The following TNIK variants were observed in gnomAD, a reference collection of about 807,000 sequenced individuals.
TNIK encodes TRAF2 and NCK-interacting protein kinase.
Under a neutral mutation model 191.3 loss-of-function variants are expected in TNIK, and 49 were observed. The ratio of observed to expected loss-of-function variants is 0.26; its 90% CI spans 0.20 to 0.32. The LOEUF (loss-of-function observed/expected upper bound fraction) is 0.32. Among genes scored for constraint, TNIK ranks in the 10% least tolerant of loss-of-function variants. TNIK has a pLI of 1.00. For missense variants in TNIK, 1,155 were observed against 1,702.3 expected, an observed-to-expected ratio of 0.68 and a Z score of 5.66; for synonymous variants, 594 against 600.9, an observed-to-expected ratio of 0.99 and a Z score of 0.17.
intron 15 of TNIK, among the ~76,000 whole-genome samples, chr3:171,130,102 AT>A (rs1327923295): frequency 6.6e-6 from 1 of 152,152 alleles, no homozygotes; most frequent in Admixed American, 6.5e-5. Context: ...CTGTTTGCAT[AT>A]TTTTTATGTA....
At position 171,191,473 on chromosome 3, in the gene TNIK, G is replaced by A. The variant is rs535971210; in HGVS notation, c.418-686C>T. 3.0e-3 allele frequency among the ~76,000 whole-genome samples: 450 copies of A among 152,256 alleles called. 2 individuals carry two copies. The highest frequency in any genetic ancestry group is 0.01 in the African/African-American group (429 of 41,552). ...GGCTGGTCTTGAACTCCTGACCTCA[G>A]GTGATCCATTCACTTCGGCCTCCCA... is the stretch of plus-strand genomic sequence containing the variant. On this transcript the variant is annotated intron_variant, in intron 5 of 32. Coordinates refer to ENST00000436636, the MANE Select transcript of TNIK (RefSeq NM_015028.4).
At chr3:171,131,683 G>C (rs549487741) in intron 15 of TNIK, among the ~76,000 whole-genome samples, 1 of 152,184 alleles carries the variant, frequency 6.6e-6, no homozygotes, top group Admixed American at 6.5e-5. Context: ...ATCTCATTAC[G>C]TACTTTGTCT....
At chr3:171,452,544 T>C (rs1728289640) in intron 1 of TNIK, among the ~76,000 whole-genome samples, 1 of 152,018 alleles carries the variant, frequency 6.6e-6, no homozygotes, top group Non-Finnish European at 1.5e-5. Flanking sequence ...TGTGCCTCAT[T>C]AAACCTCACC....
At chr3:171,075,961 T>C (rs1719867743) in intron 28 of TNIK, among the ~76,000 whole-genome samples, 1 of 152,094 alleles carries the variant, frequency 6.6e-6, no homozygotes, top group Non-Finnish European at 1.5e-5. Context: ...TGGTCTCAAA[T>C]ACCTGACCTC....
chr3:171,157,818 C>T (rs1200475064), intron 11 of TNIK, among the ~76,000 whole-genome samples, 154 bp from the exon 12 acceptor site: 1 of 152,104 alleles, frequency 6.6e-6, no homozygotes, highest in East Asian at 1.9e-4. Context: ...AATCATTCAC[C>T]CCAAAGAAAC....
At chr3:171,128,565 G>T in intron 16 of TNIK, 149 bp downstream of exon 16, 1 of 1,014,840 alleles carries the variant, frequency 9.9e-7, no homozygotes. Flanking sequence ...TTAAAAATCA[G>T]TGGGGCCACC....
At chr3:171,216,169 A>T (rs953545441) in intron 3 of TNIK, among the ~76,000 whole-genome samples, 1 of 152,192 alleles carries the variant, frequency 6.6e-6, no homozygotes. Context: ...ATTTGAAGGG[A>T]TCGTCACTAT....
At chr3:171,365,005 G>A (rs1027586619) in intron 2 of TNIK, among the ~76,000 whole-genome samples, 12 of 151,836 alleles carry the variant, frequency 7.9e-5, no homozygotes, top group East Asian at 1.9e-4. Flanking sequence ...AGAATAGTTC[G>A]TGGGGATAAT....
intron 23 of TNIK, among the ~76,000 whole-genome samples, chr3:171,091,726 C>T (rs907954011): frequency 3.3e-5 from 5 of 151,746 alleles, no homozygotes; most frequent in East Asian, 3.9e-4. Context: ...CAGAGCGAGA[C>T]TCCATCTCCA....
chr3:171,184,137 A>C (rs1289211212), intron 7 of TNIK, among the ~76,000 whole-genome samples: 2 of 152,072 alleles, frequency 1.3e-5, no homozygotes, highest in Non-Finnish European at 2.9e-5. Context: ...GGTTTACAAA[A>C]AGTTAAATAA....
intron 21 of TNIK, among the ~76,000 whole-genome samples, chr3:171,105,186 G>T (rs972531897): frequency 6.6e-6 from 1 of 152,142 alleles, no homozygotes; most frequent in African/African-American, 2.4e-5. Context: ...AAAAACAGTC[G>T]TTGAGAGGGA....
At chr3:171,156,027 T>C (rs1054913287) in intron 12 of TNIK, among the ~76,000 whole-genome samples, 3 of 152,236 alleles carry the variant, frequency 2.0e-5, no homozygotes, top group South Asian at 2.1e-4. Context: ...CTAAACACAG[T>C]ACCCTGCAAC....
intron 12 of TNIK, among the ~76,000 whole-genome samples, chr3:171,145,697 A>C (rs1252901454): frequency 6.6e-6 from 1 of 151,598 alleles, no homozygotes; most frequent in Admixed American, 6.6e-5. Context: ...CAACCCTTAA[A>C]TTCTGAATTG....
At chr3:171,441,817 A>G (rs544177093) in intron 1 of TNIK, among the ~76,000 whole-genome samples, 14 of 152,296 alleles carry the variant, frequency 9.2e-5, no homozygotes, top group Non-Finnish European at 1.6e-4. Context: ...ATATTTTTAA[A>G]TTCAGATTTA....
chr3:171,415,682 T>C (rs949438372), intron 1 of TNIK, among the ~76,000 whole-genome samples: 5 of 151,452 alleles, frequency 3.3e-5, no homozygotes. Context: ...TGCCAATCAG[T>C]TGATTAAAAA....
At chr3:171,369,286 T>C (rs1716167011) in intron 2 of TNIK, among the ~76,000 whole-genome samples, 1 of 152,210 alleles carries the variant, frequency 6.6e-6, no homozygotes, top group Non-Finnish European at 1.5e-5. Flanking sequence ...ATTTCTGAAG[T>C]AGATGGCATT....
chr3:171,173,078 T>C (rs1432383694), intron 9 of TNIK, among the ~76,000 whole-genome samples: 2 of 151,932 alleles, frequency 1.3e-5, no homozygotes, highest in Non-Finnish European at 2.9e-5. Flanking sequence ...GTGTAGACCA[T>C]GGTTAAGATG....
chr3:171,356,959 T>C (rs933238972), intron 2 of TNIK, among the ~76,000 whole-genome samples: 18 of 152,120 alleles, frequency 1.2e-4, no homozygotes, highest in Non-Finnish European at 1.5e-5. Flanking sequence ...GAAAACAACC[T>C]CCAAAAACCC....
intron 1 of TNIK, among the ~76,000 whole-genome samples, chr3:171,399,317 A>G (rs1720620309): frequency 6.6e-6 from 1 of 152,208 alleles, no homozygotes; most frequent in Non-Finnish European, 1.5e-5. Context: ...TGCAAACAGG[A>G]GCAGGCAAAT....
Sources: gnomAD v4.1 joint callset for allele counts (sites outside exome capture counted in the v4.1 genomes callset) on GRCh38, gnomAD v4.1.1 for gene constraint, MANE v1.5 for transcripts, NCBI Gene and HGNC (gene_info 2026-07-23, HGNC 2026-07-21) for gene names.